POU2F1: variants seen among roughly 807,000 people sequenced by gnomAD.
POU2F1 encodes the protein POU domain, class 2, transcription factor 1.
In POU2F1, 16 loss-of-function variants were observed where a neutral mutation model predicts 84.9. The observed-to-expected ratio is 0.19, with a 90% CI of 0.13 to 0.29. The LOEUF is 0.29. Among genes scored for constraint, POU2F1 ranks in the 10% least tolerant of loss-of-function variants. The pLI is 1.00. For synonymous variants in POU2F1, 368 were observed against 368.3 expected, an observed-to-expected ratio of 1.00 and a Z score of 0.01; for missense variants, 738 against 942.6, an observed-to-expected ratio of 0.78 and a Z score of 2.84.
intron 13 of POU2F1, among the ~76,000 whole-genome samples, chr1:167,402,751 T>C (rs1008250870): frequency 2.0e-5 from 3 of 152,220 alleles, no homozygotes; most frequent in Non-Finnish European, 4.4e-5. Context: ...TATTGAGCAC[T>C]TCCACTTAAT....
intron 2 of POU2F1, among the ~76,000 whole-genome samples, chr1:167,342,828 A>G (rs1657949886): frequency 1.3e-5 from 2 of 152,252 alleles, no homozygotes; most frequent in South Asian, 4.2e-4. Flanking sequence ...TGTAGACTAC[A>G]TTCTGCCCTG....
chr1:167,346,397 C>T (rs544935832), intron 2 of POU2F1, among the ~76,000 whole-genome samples: 81 of 152,280 alleles, frequency 5.3e-4, no homozygotes, highest in African/African-American at 1.8e-3. Context: ...CAATCAAGTA[C>T]AATCACTGTG....
intron 1 of POU2F1, among the ~76,000 whole-genome samples, chr1:167,265,659 G>T (rs1314420116): frequency 6.6e-6 from 1 of 152,128 alleles, no homozygotes; most frequent in Non-Finnish European, 1.5e-5. Flanking sequence ...TAGGGTTGTG[G>T]TTCTCAAATA....
intron 10 of POU2F1, 109 bp from the exon 11 acceptor site, chr1:167,397,885 C>A: frequency 8.5e-7 from 1 of 1,181,742 alleles, no homozygotes; most frequent in Non-Finnish European, 1.2e-6. Flanking sequence ...AAAACCTTTT[C>A]ATACTTGGAT....
intron 1 of POU2F1, among the ~76,000 whole-genome samples, chr1:167,332,135 T>C (rs1657116777): frequency 6.6e-6 from 1 of 152,146 alleles, no homozygotes; most frequent in Non-Finnish European, 1.5e-5. Flanking sequence ...CTTTCCAGTT[T>C]TACTTCATGT....
At chr1:167,406,765 A>C (rs1649605961) in intron 13 of POU2F1, among the ~76,000 whole-genome samples, 1 of 152,172 alleles carries the variant, frequency 6.6e-6, no homozygotes, top group Admixed American at 6.5e-5. Context: ...CTTGTATGTA[A>C]CAGTATCAAA....
chr1:167,340,154 A>G lies in POU2F1; in HGVS notation c.127+7619A>G, dbSNP rs1657736236. ...GAGTGCAATGGCACGATCCTGGCTC[A>G]CTGCAACCTCCACCTCCCGAGGTCA... On this transcript the variant is annotated intron_variant, in intron 2 of 15. Coordinates refer to ENST00000367866, the MANE Select transcript of POU2F1 (RefSeq NM_002697.4). 3.3e-5 allele frequency among the ~76,000 whole-genome samples: 5 copies of G among 152,194 alleles called. No individual in the cohort carries two copies. In the South Asian group the frequency reaches 1.0e-3, roughly 32 times the overall value.
chr1:167,385,444 CAG>C (rs1197833562), intron 8 of POU2F1, among the ~76,000 whole-genome samples: 10 of 151,924 alleles, frequency 6.6e-5, no homozygotes. Flanking sequence ...GTAATGAAGA[CAG>C]TGTAATACTG....
intron 7 of POU2F1, chr1:167,380,787 A>G (rs185454324): frequency 6.6e-6 from 1 of 152,258 alleles, no homozygotes; most frequent in Admixed American, 6.5e-5. Context: ...AACTTTTGAG[A>G]TGTAGTTCAT....
At chr1:167,271,059 T>A (rs183416898) in intron 1 of POU2F1, among the ~76,000 whole-genome samples, 1 of 152,356 alleles carries the variant, frequency 6.6e-6, no homozygotes, top group Non-Finnish European at 1.5e-5. Context: ...TGTGAAAAGT[T>A]GAATTTATGC....
intron 1 of POU2F1, among the ~76,000 whole-genome samples, chr1:167,291,577 G>A (rs1463935741): frequency 6.6e-6 from 1 of 152,178 alleles, no homozygotes. Context: ...GATCCAGAGA[G>A]TATGGTAAAA....
chr1:167,327,635 A>G (rs1202642961), intron 1 of POU2F1, among the ~76,000 whole-genome samples: 1 of 152,156 alleles, frequency 6.6e-6, no homozygotes, highest in Non-Finnish European at 1.5e-5. Context: ...GTGTATCTGT[A>G]CACACCTGAC....
At chr1:167,293,220 C>T (rs765367227) in intron 1 of POU2F1, among the ~76,000 whole-genome samples, 36 of 152,212 alleles carry the variant, frequency 2.4e-4, no homozygotes, top group Middle Eastern at 3.4e-3. Context: ...GTCAGACTAT[C>T]GTGATTGTAT....
At chr1:167,251,895 A>G (rs1356868527) in intron 1 of POU2F1, among the ~76,000 whole-genome samples, 1 of 148,282 alleles carries the variant, frequency 6.7e-6, no homozygotes, top group East Asian at 2.0e-4. Flanking sequence ...CCCAGGCTGG[A>G]GTGCAGTGGC....
At chr1:167,365,648 A>G (rs1485804829) in intron 3 of POU2F1, 81 bp downstream of exon 3, 2 of 976,436 alleles carry the variant, frequency 2.0e-6, no homozygotes, top group African/African-American at 3.4e-5. Flanking sequence ...TTATTTCAGA[A>G]TGTGGGACCT....
At chr1:167,253,364 C>CTTTAT (rs1359847112) in intron 1 of POU2F1, among the ~76,000 whole-genome samples, 1 of 58,302 alleles carries the variant, frequency 1.7e-5, no homozygotes, top group Non-Finnish European at 3.2e-5. Context: ...CTGTTTCATT[C>CTTTAT]TTTATTTTTC....
intron 1 of POU2F1, among the ~76,000 whole-genome samples, chr1:167,226,929 T>C (rs1264554806): frequency 6.6e-6 from 1 of 152,160 alleles, no homozygotes; most frequent in Non-Finnish European, 1.5e-5. Flanking sequence ...TTTATCAGAT[T>C]ATCTTTTATT....
chr1:167,251,502 G>A (rs1650723475), intron 1 of POU2F1, among the ~76,000 whole-genome samples: 1 of 152,150 alleles, frequency 6.6e-6, no homozygotes, highest in South Asian at 2.1e-4. Context: ...ATATTATTTG[G>A]TAGAGTATGG....
At chr1:167,249,539 G>C (rs902709486) in intron 1 of POU2F1, among the ~76,000 whole-genome samples, 1 of 152,222 alleles carries the variant, frequency 6.6e-6, no homozygotes, top group African/African-American at 2.4e-5. Context: ...GAGCAAGGGA[G>C]TGGAAAGTCT....
Sources: allele counts gnomAD v4.1 joint callset (sites outside exome capture counted in the v4.1 genomes callset), GRCh38; gene constraint gnomAD v4.1.1; transcripts MANE v1.5; gene names NCBI Gene and HGNC (gene_info 2026-07-23, HGNC 2026-07-21).